The following TRAPPC9 variants were observed in gnomAD, a reference collection of about 807,000 sequenced individuals.
The protein encoded by TRAPPC9 is IKK2 binding protein.
TRAPPC9 carries 83 observed loss-of-function variants against 124.0 expected under a neutral mutation model. The observed-to-expected ratio is 0.67, with a 90% CI of 0.56 to 0.80. The LOEUF (loss-of-function observed/expected upper bound fraction) is 0.80. Ranked by LOEUF, TRAPPC9 falls within the 30% of genes least tolerant of loss-of-function variation. TRAPPC9 has a pLI of 0.00. For synonymous variants in TRAPPC9, 638 were observed against 617.5 expected, an observed-to-expected ratio of 1.03 and a Z score of -0.49; for missense variants, 1,302 against 1,508.3, an observed-to-expected ratio of 0.86 and a Z score of 2.27.
At chr8:139,781,251 G>A (rs1821797745) in intron 21 of TRAPPC9, among the ~76,000 whole-genome samples, 1 of 152,142 alleles carries the variant, frequency 6.6e-6, no homozygotes, top group African/African-American at 2.4e-5. Context: ...CCAAAACTTG[G>A]TAGCAACCAA....
intron 12 of TRAPPC9, among the ~76,000 whole-genome samples, chr8:140,289,876 T>C (rs1478944731): frequency 2.6e-5 from 4 of 152,330 alleles, no homozygotes; most frequent in Admixed American, 2.0e-4. Context: ...ACCTCGAGAC[T>C]ACAAGCTGAA....
At chr8:139,731,383 G>T (rs564671290) in intron 22 of TRAPPC9, among the ~76,000 whole-genome samples, 155 bp from the exon 23 acceptor site, 1 of 152,202 alleles carries the variant, frequency 6.6e-6, no homozygotes, top group Non-Finnish European at 1.5e-5. Flanking sequence ...AGGTCACTGC[G>T]CCTCTCCGAG....
At chr8:140,456,904 T>G in intron 1 of TRAPPC9, 1 of 902,574 alleles carries the variant, frequency 1.1e-6, no homozygotes, top group Non-Finnish European at 1.3e-6. Context: ...TAACAGACAT[T>G]CACGTTGGGA....
At chr8:140,188,296 G>A (rs963750637) in intron 17 of TRAPPC9, among the ~76,000 whole-genome samples, 4 of 152,102 alleles carry the variant, frequency 2.6e-5, no homozygotes, top group Non-Finnish European at 5.9e-5. Context: ...TAAAATCAAC[G>A]CACAAACACA....
chr8:139,995,690 C>A (rs886891813), intron 18 of TRAPPC9, among the ~76,000 whole-genome samples: 1 of 151,958 alleles, frequency 6.6e-6, no homozygotes, highest in African/African-American at 2.4e-5. Flanking sequence ...CTCCTAAGCT[C>A]ACCAGGGAGC....
intron 9 of TRAPPC9, among the ~76,000 whole-genome samples, chr8:140,321,291 G>A (rs949996755): frequency 6.6e-6 from 1 of 152,224 alleles, no homozygotes; most frequent in African/African-American, 2.4e-5. Flanking sequence ...GAGGAGCCAG[G>A]AGTAGTGACA....
At chr8:140,170,163 T>C (rs2130939861) in intron 17 of TRAPPC9, among the ~76,000 whole-genome samples, 1 of 152,334 alleles carries the variant, frequency 6.6e-6, no homozygotes, top group Non-Finnish European at 1.5e-5. Flanking sequence ...TAATCTGTGA[T>C]TTCTGGAAGT....
In TRAPPC9 at chr8:140,087,843, T is replaced by C. The variant is rs1323653056; in HGVS notation, c.2557-63764A>G. On this transcript the variant is annotated intron_variant, in intron 17 of 22. Transcript: ENST00000438773. The surrounding 1 kb of genome is among the most constrained non-coding windows in gnomAD (Gnocchi z 4.6). ...CCATTCCCTGGCTCTCTCCTGCAGC[T>C]TGTCGCCGCCAGCCCCAGAAAAACC... 6.6e-6 allele frequency among the ~76,000 whole-genome samples: 1 copy of C among 152,070 alleles called. No homozygotes were observed. Among genetic ancestry groups the C allele is most frequent in the Admixed American group, 6.6e-5 (1 of 15,262 alleles).
At chr8:140,154,297 A>G (rs1192283855) in intron 17 of TRAPPC9, among the ~76,000 whole-genome samples, 1 of 151,694 alleles carries the variant, frequency 6.6e-6, no homozygotes, top group Admixed American at 6.6e-5. Flanking sequence ...AAATCCACCC[A>G]TTTCTCTCTG....
At chr8:139,795,611 T>C (rs1318300128) in intron 21 of TRAPPC9, among the ~76,000 whole-genome samples, 2 of 152,168 alleles carry the variant, frequency 1.3e-5, no homozygotes, top group African/African-American at 4.8e-5. Context: ...GACACTTTGA[T>C]GAGTACTTAC....
intron 19 of TRAPPC9, among the ~76,000 whole-genome samples, chr8:139,934,550 T>C (rs901655567): frequency 6.6e-6 from 1 of 152,186 alleles, no homozygotes; most frequent in South Asian, 2.1e-4. Context: ...GAGAGTTTTT[T>C]ACTTAATGAT....
At chr8:140,347,427 G>C (rs1588189502) in intron 9 of TRAPPC9, among the ~76,000 whole-genome samples, 1 of 152,204 alleles carries the variant, frequency 6.6e-6, no homozygotes, top group African/African-American at 2.4e-5. Context: ...CACTGACAAA[G>C]ACTCTCCTTG....
Position 140,319,807 on chromosome 8 carries a change from A to G in TRAPPC9, c.1496-8433T>C, listed in dbSNP as rs148308364. Among the ~76,000 whole-genome samples, 641 of 152,334 alleles carry G rather than the reference A, an allele frequency of 4.2e-3. 5 individuals carry two copies. Among genetic ancestry groups the G allele is most frequent in the African/African-American group, 0.015 (613 of 41,566 alleles). ...TTAATGAAAGCCTAGTTATTACTTAACTATATTGTTCTTACAGAAGGAGAA... is the reference window on the plus strand; with the variant it reads ...TTAATGAAAGCCTAGTTATTACTTAGCTATATTGTTCTTACAGAAGGAGAA... On this transcript the variant is annotated intron_variant, in intron 9 of 22. Transcript: ENST00000438773.
At chr8:139,740,075 C>A (rs1320800382) in intron 21 of TRAPPC9, among the ~76,000 whole-genome samples, 1 of 152,194 alleles carries the variant, frequency 6.6e-6, no homozygotes, top group Non-Finnish European at 1.5e-5. Flanking sequence ...AATGAGGACT[C>A]TAGGCCGAGC....
At chr8:139,932,398 C>T (rs367911692) in intron 19 of TRAPPC9, 471 of 457,920 alleles carry the variant, frequency 1.0e-3, no homozygotes, top group Non-Finnish European at 1.7e-3. Context: ...TGGACCACCA[C>T]GTGGTATGGC....
At chr8:140,021,469 T>C (rs937356193) in intron 18 of TRAPPC9, among the ~76,000 whole-genome samples, 1 of 150,618 alleles carries the variant, frequency 6.6e-6, no homozygotes, top group African/African-American at 2.5e-5. Flanking sequence ...AAGTAGTCAA[T>C]TAATCTTTCA....
intron 21 of TRAPPC9, among the ~76,000 whole-genome samples, chr8:139,879,458 T>A (rs1829546043): frequency 6.6e-6 from 1 of 152,172 alleles, no homozygotes; most frequent in Non-Finnish European, 1.5e-5. Context: ...CGTGGCTGGC[T>A]AACTAAGGTC....
chr8:139,762,296 T>C (rs958668902), intron 21 of TRAPPC9, among the ~76,000 whole-genome samples: 12 of 152,134 alleles, frequency 7.9e-5, no homozygotes, highest in African/African-American at 2.9e-4. Context: ...TATTAAGAAC[T>C]AGTATGCAAA....
chr8:140,243,053 C>T (rs1479815929), intron 16 of TRAPPC9, among the ~76,000 whole-genome samples: 1 of 152,130 alleles, frequency 6.6e-6, no homozygotes, highest in African/African-American at 2.4e-5. Context: ...AAGCTTAGTG[C>T]GCAGAACCCC....
Sources: allele counts gnomAD v4.1 joint callset (sites outside exome capture counted in the v4.1 genomes callset), GRCh38; gene constraint gnomAD v4.1.1; non-coding constraint Gnocchi (gnomAD v3.1); transcripts MANE v1.5; gene names NCBI Gene and HGNC (gene_info 2026-07-23, HGNC 2026-07-21).